Variants in LPP observed in about 807,000 individuals in gnomAD.
LPP encodes the protein LIM domain containing preferred translocation partner in lipoma, also known as lipoma-preferred partner.
A neutral mutation model predicts 60.4 loss-of-function variants in LPP; 38 were observed. That is an observed-to-expected ratio of 0.63 (90% CI 0.49 to 0.83). The LOEUF is 0.83. Among genes scored for constraint, LPP ranks in the 40% least tolerant of loss-of-function variants. The pLI, the probability that LPP is intolerant of heterozygous loss-of-function variation, is 0.00. For missense variants in LPP, 902 were observed against 783.6 expected (o/e 1.15, Z -1.80); for synonymous variants, 328 against 290.8 (o/e 1.13, Z -1.30).
At position 188,846,986 on chromosome 3, in the gene LPP, A is replaced by G. The variant is rs796172360; in HGVS notation, c.1411-19214A>G. 2.0e-5 allele frequency among the ~76,000 whole-genome samples: 3 copies of G among 152,216 alleles called. No homozygotes were observed. The South Asian group carries it at 6.2e-4, about 32-fold the overall frequency. On this transcript the variant is annotated intron_variant, in intron 9 of 11. Transcript: ENST00000617246. ...CCACACACATCTGCCCTGAGGTCAG[A>G]TACCTATACATTTATTGTGTTTGAT...
intron 2 of LPP, among the ~76,000 whole-genome samples, chr3:188,264,166 G>A (rs1180237465): frequency 6.6e-6 from 1 of 152,034 alleles, no homozygotes; most frequent in African/African-American, 2.4e-5. Context: ...TGCTTATTAA[G>A]CTTTCTTTAA....
At chr3:188,756,434 G>T (rs1352259791) in intron 8 of LPP, among the ~76,000 whole-genome samples, 1 of 152,120 alleles carries the variant, frequency 6.6e-6, no homozygotes, top group African/African-American at 2.4e-5. Flanking sequence ...ATGCCTTGAA[G>T]TTTGGTACTA....
At chr3:188,592,075 A>G (rs974207398) in intron 6 of LPP, among the ~76,000 whole-genome samples, 2 of 152,212 alleles carry the variant, frequency 1.3e-5, no homozygotes. Flanking sequence ...ATGATAGAAT[A>G]GCATAATACA....
chr3:188,241,386 T>C (rs1033051168), intron 2 of LPP, among the ~76,000 whole-genome samples: 10 of 152,344 alleles, frequency 6.6e-5, no homozygotes, highest in African/African-American at 2.4e-4. Flanking sequence ...CATGCTGTGT[T>C]AGGGATTTAA....
chr3:188,398,754 C>T (rs891868142), intron 3 of LPP, among the ~76,000 whole-genome samples: 1 of 152,206 alleles, frequency 6.6e-6, no homozygotes, highest in African/African-American at 2.4e-5. Flanking sequence ...TTCGCAATTA[C>T]GCTGGTAGGG....
intron 5 of LPP, among the ~76,000 whole-genome samples, chr3:188,514,906 A>C (rs894655689): frequency 5.9e-5 from 9 of 152,128 alleles, no homozygotes; most frequent in African/African-American, 1.7e-4. Context: ...GGTTGAAAAC[A>C]TGGCTGTTTT....
intron 9 of LPP, among the ~76,000 whole-genome samples, chr3:188,786,495 C>T (rs1437986757): frequency 6.6e-6 from 1 of 150,840 alleles, no homozygotes; most frequent in Non-Finnish European, 1.5e-5. Flanking sequence ...ATGGAACAAC[C>T]ATTCTAGAGA....
chr3:188,286,334 A>G (rs1649986332), intron 2 of LPP, among the ~76,000 whole-genome samples: 1 of 152,050 alleles, frequency 6.6e-6, no homozygotes, highest in African/African-American at 2.4e-5. Context: ...TTTAGGTTTG[A>G]GTGACTCAAC....
rs575041351 is a variant in LPP, at chr3:188,228,068, C to A, written c.-67+2541C>A. On this transcript the variant is annotated intron_variant, in intron 2 of 11. Coordinates refer to ENST00000617246, the MANE Select transcript of LPP (RefSeq NM_001375462.1). Reference sequence around the variant, plus strand: ...CCTCTTTAGCCCCCCTGTCAGAGACCCTCTAGAGAGCCGGGCTTTAGTTCC... The same window carrying A: ...CCTCTTTAGCCCCCCTGTCAGAGACACTCTAGAGAGCCGGGCTTTAGTTCC... Among the ~76,000 whole-genome samples, 3 of 152,312 alleles carry A rather than the reference C, an allele frequency of 2.0e-5. No individual in the cohort carries two copies. The South Asian group carries it at 6.2e-4, about 32-fold the overall frequency.
chr3:188,322,864 C>T (rs1385388707), intron 2 of LPP, among the ~76,000 whole-genome samples: 2 of 152,204 alleles, frequency 1.3e-5, no homozygotes, highest in Non-Finnish European at 2.9e-5. Context: ...ATACCTATCT[C>T]AGGACCCAAT....
rs1022024869 is a variant in LPP, at chr3:188,438,367, A to T, written c.193+32054A>T. 7.8e-3 allele frequency among the ~76,000 whole-genome samples: 1,147 copies of T among 147,560 alleles called. 18 individuals carry two copies. The highest frequency in any genetic ancestry group is 0.021 in the African/African-American group (803 of 37,890). On this transcript the variant is annotated intron_variant, in intron 4 of 11. Transcript: ENST00000617246. ...TATTCCATGCATTACACACACACAC[A>T]CACACACACACACACACACACACAC...
chr3:188,602,144 T>TATATATATAACATATATA (rs1841360762), intron 6 of LPP, among the ~76,000 whole-genome samples: 1 of 125,240 alleles, frequency 8.0e-6, no homozygotes. Flanking sequence ...CTTAATCTCA[T>TATATATATAACATATATA]ATATATATAA....
At position 188,322,227 on chromosome 3, in the gene LPP, A is replaced by G. The variant is rs535721058; in HGVS notation, c.-66-19436A>G. 1.3e-3 allele frequency among the ~76,000 whole-genome samples: 202 copies of G among 152,318 alleles called. 4 individuals carry two copies. In the South Asian group the frequency reaches 0.038, roughly 29 times the overall value. ...AGGCAAGTTTAAGCTTGGACTGTAG[A>G]TACTTTTCACTGGGTGGTTTTATTT... On this transcript the variant is annotated intron_variant, in intron 2 of 11. Coordinates refer to ENST00000617246, the MANE Select transcript of LPP (RefSeq NM_001375462.1).
chr3:188,250,956 TCCCTTCCCTTCCCTTCCCTTCCCTC>T (rs1729308665), intron 2 of LPP, among the ~76,000 whole-genome samples: 1 of 26,622 alleles, frequency 3.8e-5, no homozygotes, highest in African/African-American at 1.7e-4. Context: ...TCCCTTCCCT[TCCCTTCCCTTCCCTTCCCTTCCCTC>T]CCCTCCCCTG....
At chr3:188,258,540 C>G (rs899545966) in intron 2 of LPP, among the ~76,000 whole-genome samples, 2 of 152,140 alleles carry the variant, frequency 1.3e-5, no homozygotes, top group Non-Finnish European at 2.9e-5. Flanking sequence ...AGGCTGGTCT[C>G]GAACTCCTGG....
intron 6 of LPP, among the ~76,000 whole-genome samples, chr3:188,605,579 A>G (rs971547070): frequency 6.6e-6 from 1 of 152,182 alleles, no homozygotes; most frequent in Non-Finnish European, 1.5e-5. Context: ...CAGAAATTCT[A>G]AAGTCTTCAT....
chr3:188,798,369 A>G (rs1235899401), intron 9 of LPP, among the ~76,000 whole-genome samples: 1 of 152,136 alleles, frequency 6.6e-6, no homozygotes, highest in Non-Finnish European at 1.5e-5. Flanking sequence ...TCAAATTACC[A>G]CATAATAGAC....
intron 6 of LPP, among the ~76,000 whole-genome samples, chr3:188,577,986 C>T (rs920172085): frequency 6.6e-6 from 1 of 151,906 alleles, no homozygotes; most frequent in Non-Finnish European, 1.5e-5. Context: ...AACTGTGAAA[C>T]CTAGATCTTA....
At chr3:188,688,674 A>T (rs1861402841) in intron 7 of LPP, 1 of 425,136 alleles carries the variant, frequency 2.4e-6, no homozygotes. Context: ...TATTTTATGA[A>T]GGGCAACATC....
Sources: allele counts gnomAD v4.1 joint callset (sites outside exome capture counted in the v4.1 genomes callset), GRCh38; gene constraint gnomAD v4.1.1; transcripts MANE v1.5; gene names NCBI Gene and HGNC (gene_info 2026-07-23, HGNC 2026-07-21).